Variants in OCA2 observed in about 807,000 individuals in gnomAD.
OCA2 encodes the protein OCA2 melanosomal transmembrane protein.
Under a neutral mutation model 100.2 loss-of-function variants are expected in OCA2, and 77 were observed. That is an observed-to-expected ratio of 0.77 (90% CI 0.64 to 0.93). The LOEUF (loss-of-function observed/expected upper bound fraction) is 0.93. Among genes scored for constraint, OCA2 ranks in the 40% least tolerant of loss-of-function variants. The probability of loss-of-function intolerance (pLI) is 0.00; values close to 1 mark genes in which losing one functional copy is unlikely to be tolerated. For synonymous variants in OCA2, 432 were observed against 439.2 expected, an observed-to-expected ratio of 0.98 and a Z score of 0.21; for missense variants, 1,062 against 1,089.1, an observed-to-expected ratio of 0.98 and a Z score of 0.35.
Position 27,957,702 on chromosome 15 carries a change from G to C in OCA2, c.1670C>G (p.Thr557Ser), listed in dbSNP as rs775106432. ...LKHEIHVWRL[T>S]AQRISPASRE... ...GCTGGCCGGGCTGATGCGCTGAGCA[G>C]TCAGGCGCCAGACGTGAATCTCGTG... The change falls in exon 16 of 24, where the codon ACT becomes AGT. Residue 557 changes from threonine to serine, a missense_variant. Physicochemically the swap from Thr to Ser is moderately conservative, Grantham distance 58 (BLOSUM62 1). Coordinates refer to ENST00000354638, the MANE Select transcript of OCA2 (RefSeq NM_000275.3). This position sits in a 1 kb window ranked among gnomAD's most constrained non-coding sequence, Gnocchi z 4.3. 4.3e-6 allele frequency: 7 copies of C among 1,613,168 alleles called. No homozygotes were observed. Among genetic ancestry groups the C allele is most frequent in the Non-Finnish European group, 5.1e-6 (6 of 1,180,008 alleles).
rs984895392 is a variant in OCA2 at position 27,761,460 on chromosome 15, T to TA, written c.2433-5989dup. 4.5e-3 allele frequency among the ~76,000 whole-genome samples: 628 copies of TA among 140,020 alleles called. 18 individuals are homozygous for TA. In the East Asian group the frequency reaches 0.082, roughly 18 times the overall value. The allele number at this position is 140,020 out of a possible 152,430, so 91.9% of individuals were successfully genotyped here. On this transcript the variant is annotated intron_variant, in intron 23 of 23. Coordinates refer to ENST00000354638, the MANE Select transcript of OCA2 (RefSeq NM_000275.3). ...GTGCTGTAAGTTACAAAATGGTGAT[T>TA]AAAAAAAAAAAAACCCAAAGCAGTT...
intron 23 of OCA2, among the ~76,000 whole-genome samples, chr15:27,805,087 G>A (rs2033774797): frequency 6.6e-6 from 1 of 152,174 alleles, no homozygotes; most frequent in African/African-American, 2.4e-5. Context: ...TGGAGCGAGT[G>A]GTCAGGCTGA....
chr15:27,901,351 G>A lies in OCA2; in HGVS notation c.2079+24776C>T, dbSNP rs1292280283. On this transcript the variant is annotated intron_variant, in intron 19 of 23. Transcript: ENST00000354638. ...CAGCTCTCCCATCTTCTGGAATCCA[G>A]GTAAGTCTGGCCAATGGGAGACACT... 2.0e-5 allele frequency among the ~76,000 whole-genome samples: 3 copies of A among 152,200 alleles called. No homozygotes were observed. The East Asian group carries it at 5.8e-4, about 29-fold the overall frequency.
At chr15:27,797,394 T>C (rs2033389542) in intron 23 of OCA2, among the ~76,000 whole-genome samples, 1 of 152,098 alleles carries the variant, frequency 6.6e-6, no homozygotes, top group East Asian at 1.9e-4. Context: ...AAATTTAGAA[T>C]TGATGTTGGC....
intron 23 of OCA2, among the ~76,000 whole-genome samples, chr15:27,776,977 G>C (rs1008799090): frequency 4.6e-5 from 7 of 151,048 alleles, no homozygotes; most frequent in African/African-American, 7.3e-5. Context: ...CGTGAGGTGG[G>C]GGGGGGTGGG....
chr15:27,770,908 TTCCCTCC>T lies in OCA2; in HGVS notation c.2433-15443_2433-15437del, dbSNP rs774264566. Among the ~76,000 whole-genome samples, 948 of 136,862 alleles carry T rather than the reference TTCCCTCC, an allele frequency of 6.9e-3. 30 individuals are homozygous for T. The highest frequency in any genetic ancestry group is 0.025 in the African/African-American group (911 of 36,804). The allele number at this position is 136,862 out of a possible 152,430, so 89.8% of individuals were successfully genotyped here. Reference sequence around the variant, plus strand: ...CTCCTTCCCATCTCCTTTTCCTTCCTTCCCTCCTCCCTCCCTCTTTTCCTTTCTTCCT... The same window carrying T: ...CTCCTTCCCATCTCCTTTTCCTTCCTTCCCTCCCTCTTTTCCTTTCTTCCT... On this transcript the variant is annotated intron_variant, in intron 23 of 23. Transcript: ENST00000354638.
intron 21 of OCA2, among the ~76,000 whole-genome samples, chr15:27,857,476 G>A (rs767518671): frequency 3.9e-5 from 6 of 152,086 alleles, no homozygotes; most frequent in Non-Finnish European, 7.4e-5. Flanking sequence ...CTCTGGAAAT[G>A]GATCGTGGTG....
intron 19 of OCA2, among the ~76,000 whole-genome samples, chr15:27,913,842 A>G (rs60848872): frequency 0.057 from 1,659 of 29,274 alleles, 14 homozygotes; most frequent in East Asian, 0.25. Context: ...AAGAAAGGAA[A>G]GAAAGAAAGA....
rs903732136 is a variant in OCA2, at chr15:27,990,782, T to C, written c.1045-135A>G. ...TATTCAAATGATAAGTCATGGGTCTTGATGTTTCAGGCCTGGACACCCCAC... is the reference window on the plus strand; with the variant it reads ...TATTCAAATGATAAGTCATGGGTCTCGATGTTTCAGGCCTGGACACCCCAC... On this transcript the variant is annotated intron_variant, in intron 9 of 23. Transcript: ENST00000354638. 8.6e-6 allele frequency: 7 copies of C among 810,136 alleles called. No individual in the cohort carries two copies. The African/African-American group carries it at 1.2e-4, about 13-fold the overall frequency. 50.2% of individuals were successfully genotyped at this position (810,136 alleles called of 1,614,324 possible).
intron 2 of OCA2, among the ~76,000 whole-genome samples, chr15:28,079,361 C>T (rs1476411388): frequency 2.0e-5 from 3 of 150,980 alleles, no homozygotes; most frequent in African/African-American, 7.3e-5. Flanking sequence ...TGTAATAAAA[C>T]TCTTCAGTAA....
At chr15:27,856,590 G>A (rs1029579675) in intron 21 of OCA2, among the ~76,000 whole-genome samples, 4 of 151,974 alleles carry the variant, frequency 2.6e-5, no homozygotes, top group African/African-American at 7.3e-5. Context: ...GATCACTGAG[G>A]GGCCAGCACA....
chr15:27,972,039 T>C (rs910179214), intron 14 of OCA2, among the ~76,000 whole-genome samples: 3 of 152,186 alleles, frequency 2.0e-5, no homozygotes, highest in Admixed American at 1.3e-4. Context: ...TACTCACAAC[T>C]TAGCTCCCAC....
rs2033977005 is a variant in OCA2 at position 27,809,112 on chromosome 15, C to A, written c.2432+35847G>T. On this transcript the variant is annotated intron_variant, in intron 23 of 23. Coordinates refer to ENST00000354638, the MANE Select transcript of OCA2 (RefSeq NM_000275.3). ...TCCTGCCTCAAAGAACTTCCTCTTG[C>A]CCTTGTGGGCTTCTTCCTGTGTGCT... 1.3e-5 allele frequency among the ~76,000 whole-genome samples: 2 copies of A among 152,184 alleles called. 1 individual carries two copies. The highest frequency in any genetic ancestry group is 4.8e-5 in the African/African-American group (2 of 41,438).
chr15:27,801,014 A>G (rs2033579827), intron 23 of OCA2, among the ~76,000 whole-genome samples: 1 of 152,140 alleles, frequency 6.6e-6, no homozygotes. Flanking sequence ...TCCCACAAGG[A>G]AAACCCCAGA....
chr15:27,985,803 T>C (rs555039113), intron 12 of OCA2, among the ~76,000 whole-genome samples: 2 of 151,694 alleles, frequency 1.3e-5, no homozygotes, highest in South Asian at 4.2e-4. Flanking sequence ...AGCAATTCTC[T>C]CGCCTCAGCC....
chr15:27,970,039 T>C (rs998463436), intron 14 of OCA2, among the ~76,000 whole-genome samples: 1 of 152,124 alleles, frequency 6.6e-6, no homozygotes, highest in African/African-American at 2.4e-5. Context: ...ACTGCAGGAA[T>C]GCGTGTGGGC....
intron 19 of OCA2, among the ~76,000 whole-genome samples, chr15:27,889,787 C>A (rs949295642): frequency 2.6e-5 from 4 of 152,190 alleles, no homozygotes; most frequent in African/African-American, 9.7e-5. Flanking sequence ...GTCACTGGCT[C>A]TAACTGGTCC....
intron 18 of OCA2, among the ~76,000 whole-genome samples, chr15:27,950,232 A>G (rs559805977): frequency 2.1e-4 from 32 of 152,338 alleles, no homozygotes; most frequent in African/African-American, 7.0e-4. Flanking sequence ...TAGACTCTCA[A>G]ATAAAATCAG....
At chr15:27,948,822 G>A (rs1310140823) in intron 18 of OCA2, among the ~76,000 whole-genome samples, 1 of 152,170 alleles carries the variant, frequency 6.6e-6, no homozygotes, top group Non-Finnish European at 1.5e-5. Flanking sequence ...GCATTACACT[G>A]TGTGAGACAA....
Sources: allele counts gnomAD v4.1 joint callset (sites outside exome capture counted in the v4.1 genomes callset), GRCh38; gene constraint gnomAD v4.1.1; non-coding constraint Gnocchi (gnomAD v3.1); transcripts MANE v1.5; gene names NCBI Gene and HGNC (gene_info 2026-07-23, HGNC 2026-07-21).